The following IL15RA variants were observed in gnomAD, a reference collection of about 807,000 sequenced individuals.
IL15RA encodes the protein interleukin 15 receptor subunit alpha, also known as interleukin-15 receptor subunit alpha.
Under a neutral mutation model 24.2 loss-of-function variants are expected in IL15RA, and 26 were observed. The ratio of observed to expected loss-of-function variants is 1.07; its 90% CI spans 0.79 to 1.49. The LOEUF is 1.49. IL15RA is among the 40% of genes most tolerant of loss of function. The pLI is 0.00. For missense variants in IL15RA, 354 were observed against 356.4 expected (o/e 0.99, Z 0.05); for synonymous variants, 166 against 157.6 (o/e 1.05, Z -0.40).
rs182252229 is a variant in IL15RA, at chr10:5,975,977, G to A, written c.88+1428C>T. Among the ~76,000 whole-genome samples the A allele has an allele frequency of 7.9e-5, 12 of 152,290 alleles. No individual in the cohort carries two copies. The highest frequency in any genetic ancestry group is 7.8e-4 in the Admixed American group (12 of 15,296). ...GGGAAGGTAGCAACATCTTTCTAAGGTCAAAGGGCAAGGCTGTGCAGCTGA... is the reference window on the plus strand; with the variant it reads ...GGGAAGGTAGCAACATCTTTCTAAGATCAAAGGGCAAGGCTGTGCAGCTGA... On this transcript the variant is annotated intron_variant, in intron 1 of 6. Transcript: ENST00000379977. The surrounding 1 kb of genome is among the most constrained non-coding windows in gnomAD (Gnocchi z 4.8).
At chr10:5,974,659 C>G (rs1368005219) in intron 1 of IL15RA, among the ~76,000 whole-genome samples, 1 of 151,996 alleles carries the variant, frequency 6.6e-6, no homozygotes, top group Non-Finnish European at 1.5e-5. Context: ...GGCAGATCCC[C>G]TGAGGTCAGG....
chr10:5,954,611 G>A (rs1288156350), intron 6 of IL15RA, among the ~76,000 whole-genome samples: 1 of 151,972 alleles, frequency 6.6e-6, no homozygotes, highest in African/African-American at 2.4e-5. Flanking sequence ...CTTTCATATA[G>A]CCAGTAAATA....
Position 5,959,642 on chromosome 10 carries a change from G to A in IL15RA, c.616+112C>T, listed in dbSNP as rs1286282877. ...TGATGGAGGCCTTCTGAGTGTGGAAGGGGCTGCTGTCAGGGCTGTGCTGGG... is the reference window on the plus strand; with the variant it reads ...TGATGGAGGCCTTCTGAGTGTGGAAAGGGCTGCTGTCAGGGCTGTGCTGGG... On this transcript the variant is annotated intron_variant, in intron 5 of 6. Coordinates refer to ENST00000379977, the MANE Select transcript of IL15RA (RefSeq NM_002189.4). The surrounding 1 kb of genome is among the most constrained non-coding windows in gnomAD (Gnocchi z 4.1). 4.7e-6 allele frequency: 4 copies of A among 857,304 alleles called. No homozygotes were observed. The highest frequency in any genetic ancestry group is 2.3e-4 in the Middle Eastern group (1 of 4,304). The allele number at this position is 857,304 out of a possible 1,614,324, so 53.1% of individuals were successfully genotyped here. A position where few individuals can be genotyped will look rare whatever the true frequency, so the allele number is the denominator to read the frequency against.
At chr10:5,949,450 G>A, downstream of IL15RA, 1 of 458,240 alleles carries the variant, frequency 2.2e-6, no homozygotes, top group South Asian at 1.6e-5. The surrounding 1 kb of genome is among the most constrained non-coding windows in gnomAD (Gnocchi z 4.4). Flanking sequence ...TGAGGTGGGG[G>A]AGGCTGTGAT....
At position 5,960,434 on chromosome 10, in the gene IL15RA, G is replaced by A. The variant is rs748702256; in HGVS notation, c.516C>T (p.His172=). The A allele has an allele frequency of 9.9e-6, 16 of 1,614,036 alleles. No individual in the cohort carries two copies. The highest frequency in any genetic ancestry group is 4.5e-5 in the East Asian group (2 of 44,902). ...TTEISSHESS[H]GTPSQTTAKN... ...TGGCTGTTGTCTGAGAGGGGGTGCC[G>A]TGGGAGGACTCATGACTGCTTATCT... The change falls in exon 4 of 7, where the codon CAC becomes CAT. Residue 172 remains histidine (H), a synonymous_variant. Transcript: ENST00000379977. The surrounding 1 kb of genome is among the most constrained non-coding windows in gnomAD (Gnocchi z 5.1).
chr10:5,950,424 G>A (rs769251695), downstream of IL15RA, among the ~76,000 whole-genome samples: 26 of 152,210 alleles, frequency 1.7e-4, 1 homozygote, highest in South Asian at 1.0e-3. The surrounding 1 kb of genome is among the most constrained non-coding windows in gnomAD (Gnocchi z 5.6). Context: ...AAAAAAGGAC[G>A]GACTCTTCCC....
chr10:5,977,813 C>G, upstream of IL15RA: 1 of 424,144 alleles, frequency 2.4e-6, no homozygotes, highest in Non-Finnish European at 4.0e-6. Flanking sequence ...CCTCCGCGCT[C>G]GTCGTGCTCT....
rs1216748918 is a variant in IL15RA at position 5,967,282 on chromosome 10, G to A, written c.89-943C>T. Among the ~76,000 whole-genome samples the A allele has an allele frequency of 6.6e-6, 1 of 152,012 alleles. No individual in the cohort carries two copies. The highest frequency in any genetic ancestry group is 1.5e-5 in the Non-Finnish European group (1 of 68,016). On this transcript the variant is annotated intron_variant, in intron 1 of 6. Transcript: ENST00000379977. The surrounding 1 kb of genome is among the most constrained non-coding windows in gnomAD (Gnocchi z 4.4). ...TGCAGTGGCACGATCTTGGCTCACTGCAACCTCCACCTCCTGGGTTCAAGC... is the reference window on the plus strand; with the variant it reads ...TGCAGTGGCACGATCTTGGCTCACTACAACCTCCACCTCCTGGGTTCAAGC...
In IL15RA at chr10:5,959,075, T is replaced by A. The variant is rs925590290; in HGVS notation, c.616+679A>T. On this transcript the variant is annotated intron_variant, in intron 5 of 6. Transcript: ENST00000379977. This position sits in a 1 kb window ranked among gnomAD's most constrained non-coding sequence, Gnocchi z 4.1. ...ATCATCACTTGCACGTTCTCTTTTC[T>A]ATTCTCCTAGCCTTAGCATTGCGTG... is the stretch of plus-strand genomic sequence containing the variant. Among the ~76,000 whole-genome samples the A allele has an allele frequency of 6.6e-6, 1 of 152,144 alleles. No individual in the cohort carries two copies. The highest frequency in any genetic ancestry group is 1.5e-5 in the Non-Finnish European group (1 of 68,030).
rs1327593531 is a variant in IL15RA at position 5,971,407 on chromosome 10, A to G, written c.89-5068T>C. ...GCCACACCTCTTTCTGTTTCCCAGA[A>G]CCTGTGAATCACACTTCCTTATCTA... On this transcript the variant is annotated intron_variant, in intron 1 of 6. Coordinates refer to ENST00000379977, the MANE Select transcript of IL15RA (RefSeq NM_002189.4). The surrounding 1 kb of genome is among the most constrained non-coding windows in gnomAD (Gnocchi z 5.5). 6.6e-6 allele frequency among the ~76,000 whole-genome samples: 1 copy of G among 152,178 alleles called. No individual in the cohort carries two copies. The highest frequency in any genetic ancestry group is 1.5e-5 in the Non-Finnish European group (1 of 68,026).
chr10:5,952,713 A>C lies in IL15RA; in HGVS notation c.*382T>G. The C allele has an allele frequency of 4.0e-6, 1 of 247,832 alleles. No homozygotes were observed. Among genetic ancestry groups the C allele is most frequent in the Non-Finnish European group, 7.8e-6 (1 of 127,800 alleles). 15.4% of individuals were successfully genotyped at this position (247,832 alleles called of 1,614,324 possible). A position where few individuals can be genotyped will look rare whatever the true frequency, so the allele number is the denominator to read the frequency against. The stretch of plus-strand genomic sequence containing the variant: ...ATTGACAGAGAGCTTTGGGTATGTC[A>C]CTTTTCTCTGTGAACTGAAAGTTAG... On this transcript the variant is annotated 3_prime_UTR_variant, in exon 7 of 7. Transcript: ENST00000379977.
rs1834446856 is a variant in IL15RA at position 5,955,859 on chromosome 10, T to C, written c.692+520A>G. Among the ~76,000 whole-genome samples, 1 of 152,102 alleles carries C rather than the reference T, an allele frequency of 6.6e-6. No individual in the cohort carries two copies. ...TTCTCTGGCCGCCCCATTTCTACCA[T>C]GAGCAGGGGTAGGGGGCACTTGGGC... On this transcript the variant is annotated intron_variant, in intron 6 of 6. Coordinates refer to ENST00000379977, the MANE Select transcript of IL15RA (RefSeq NM_002189.4). The surrounding 1 kb of genome is among the most constrained non-coding windows in gnomAD (Gnocchi z 5.3).
Position 5,955,083 on chromosome 10 carries a change from G to A in IL15RA, c.692+1296C>T, listed in dbSNP as rs989703373. On this transcript the variant is annotated intron_variant, in intron 6 of 6. Transcript: ENST00000379977. This position sits in a 1 kb window ranked among gnomAD's most constrained non-coding sequence, Gnocchi z 5.3. ...TGGAATGTGCATTTTGTCAAAATTA[G>A]GCTCAAAGGGTCACATAATTTTTTT... is the stretch of plus-strand genomic sequence containing the variant. 4.6e-5 allele frequency among the ~76,000 whole-genome samples: 7 copies of A among 151,860 alleles called. No individual in the cohort carries two copies. Among genetic ancestry groups the A allele is most frequent in the African/African-American group, 1.7e-4 (7 of 41,336 alleles).
downstream of IL15RA, among the ~76,000 whole-genome samples, chr10:5,949,886 A>G (rs746112915): frequency 1.7e-4 from 26 of 152,144 alleles, no homozygotes; most frequent in Non-Finnish European, 3.4e-4. This position sits in a 1 kb window ranked among gnomAD's most constrained non-coding sequence, Gnocchi z 4.4. Context: ...ACCTGAGGTC[A>G]GGAGTTCGAG....
chr10:5,957,593 C>CTT (rs34002653), intron 5 of IL15RA, among the ~76,000 whole-genome samples: 15,601 of 131,486 alleles, frequency 0.12, 1,227 homozygotes, highest in African/African-American at 0.2. Flanking sequence ...TTTTCTTCTT[C>CTT]TTTTTTTTTT....
intron 1 of IL15RA, among the ~76,000 whole-genome samples, chr10:5,969,515 G>C (rs1226396294): frequency 6.6e-6 from 1 of 152,142 alleles, no homozygotes; most frequent in East Asian, 1.9e-4. Context: ...TGAGACCACA[G>C]ATGTGCACCA....
At position 5,966,011 on chromosome 10, in the gene IL15RA, G is replaced by A. The variant is rs187261760; in HGVS notation, c.283+134C>T. ...GCTGGGATTACAGGTGTGAGCCACC[G>A]TGCCCGGCCCCCACTGGTGTGTTTA... On this transcript the variant is annotated intron_variant, in intron 2 of 6. Coordinates refer to ENST00000379977, the MANE Select transcript of IL15RA (RefSeq NM_002189.4). The surrounding 1 kb of genome is among the most constrained non-coding windows in gnomAD (Gnocchi z 6.4). The A allele has an allele frequency of 1.7e-5, 10 of 579,726 alleles. No homozygotes were observed. The highest frequency in any genetic ancestry group is 3.7e-5 in the African/African-American group (2 of 53,874). The allele number at this position is 579,726 out of a possible 1,614,324, so 35.9% of individuals were successfully genotyped here.
chr10:5,960,313 T>A lies in IL15RA; in HGVS notation c.583+54A>T, dbSNP rs1835284528. On this transcript the variant is annotated intron_variant, in intron 4 of 6. Coordinates refer to ENST00000379977, the MANE Select transcript of IL15RA (RefSeq NM_002189.4). This position sits in a 1 kb window ranked among gnomAD's most constrained non-coding sequence, Gnocchi z 5.1. ...GCCTTGTGCCGGATCTCAGCCCCGA[T>A]CTCAGAAGCAGCAATGGGGAACTGA... is the stretch of plus-strand genomic sequence containing the variant. The A allele has an allele frequency of 3.4e-6, 5 of 1,480,530 alleles. No individual in the cohort carries two copies. The Admixed American group carries it at 6.7e-5, about 20-fold the overall frequency. 91.7% of individuals were successfully genotyped at this position (1,480,530 alleles called of 1,614,324 possible).
rs1376670090 is a variant in IL15RA, at chr10:5,968,786, C to T, written c.89-2447G>A. 8.5e-6 allele frequency: 6 copies of T among 707,732 alleles called. No individual in the cohort carries two copies. Among genetic ancestry groups the T allele is most frequent in the Admixed American group, 2.0e-5 (1 of 49,978 alleles). 43.8% of individuals were successfully genotyped at this position (707,732 alleles called of 1,614,324 possible). A position where few individuals can be genotyped will look rare whatever the true frequency, so the allele number is the denominator to read the frequency against. On this transcript the variant is annotated intron_variant, in intron 1 of 6. Transcript: ENST00000379977. The surrounding 1 kb of genome is among the most constrained non-coding windows in gnomAD (Gnocchi z 5.4). ...AGATGGCTGTGCTACCTGCTTGCTGCCTGCTTGTCCGATGGTGGTGGCACT... is the reference window on the plus strand; with the variant it reads ...AGATGGCTGTGCTACCTGCTTGCTGTCTGCTTGTCCGATGGTGGTGGCACT...
Sources: gnomAD v4.1 joint callset for allele counts (sites outside exome capture counted in the v4.1 genomes callset) on GRCh38, gnomAD v4.1.1 for gene constraint, Gnocchi (gnomAD v3.1) non-coding constraint, MANE v1.5 for transcripts, NCBI Gene and HGNC (gene_info 2026-07-23, HGNC 2026-07-21) for gene names.